The following ABCC12 variants were observed in gnomAD, a reference collection of about 807,000 sequenced individuals.
The protein encoded by ABCC12 is ATP binding cassette subfamily C member 12.
ABCC12 carries 142 observed loss-of-function variants against 151.1 expected under a neutral mutation model. That is an observed-to-expected ratio of 0.94 (90% CI 0.82 to 1.08). The LOEUF (loss-of-function observed/expected upper bound fraction) is 1.08, where lower values mean the gene tolerates loss of function less well. Ranked by LOEUF, ABCC12 falls within the 50% of genes least tolerant of loss-of-function variation. The probability of loss-of-function intolerance (pLI) is 0.00; values close to 1 mark genes in which losing one functional copy is unlikely to be tolerated. For missense variants in ABCC12, 1,638 were observed against 1,691.1 expected, an observed-to-expected ratio of 0.97 and a Z score of 0.55; for synonymous variants, 645 against 646.4, an observed-to-expected ratio of 1.00 and a Z score of 0.03.
At chr16:48,127,591 A>C (rs1211924998) in intron 11 of ABCC12, among the ~76,000 whole-genome samples, 3 of 152,176 alleles carry the variant, frequency 2.0e-5, no homozygotes, top group Non-Finnish European at 4.4e-5. Context: ...TAGCTATGTG[A>C]CCTTGGGCAA....
rs147483326 is a variant in ABCC12, at chr16:48,084,032, C to T, written c.3870G>A (p.Lys1290=). ...LDEATASMDS[K]TDTLVQNTIK... ...TGGTGTTCTGAACCAGGGTGTCAGT[C>T]TTGGAGTCCATAGAGGCGGTGGCTT... The change falls in exon 30 of 31, where the codon AAG becomes AAA. Residue 1290 remains lysine (K), a synonymous_variant. Coordinates refer to ENST00000311303, the MANE Select transcript of ABCC12 (RefSeq NM_001393797.1). 41 of 1,612,416 alleles carry T rather than the reference C, an allele frequency of 2.5e-5. No individual in the cohort carries two copies. In the African/African-American group the frequency reaches 3.9e-4, roughly 15 times the overall value.
At chr16:48,128,788 A>T (rs778504480) in intron 10 of ABCC12, 51 bp from the exon 11 acceptor site, 1 of 1,574,036 alleles carries the variant, frequency 6.4e-7, no homozygotes, top group Non-Finnish European at 8.6e-7. Context: ...CATTTGCAAG[A>T]ATCATCCCAA....
rs1962446120 is a variant in ABCC12, at chr16:48,083,659, T to C, written c.*56A>G. 2.6e-6 allele frequency: 4 copies of C among 1,567,092 alleles called. No individual in the cohort carries two copies. Among genetic ancestry groups the C allele is most frequent in the Admixed American group, 3.5e-5 (2 of 57,556 alleles). On this transcript the variant is annotated 3_prime_UTR_variant, in exon 31 of 31. Transcript: ENST00000311303. ...GAGGACAGCCCCTCCTCCTGAAGAC[T>C]CCTCCTATTCATCTCACAGAGCCTC... is the stretch of plus-strand genomic sequence containing the variant.
chr16:48,150,430 T>G (rs1425467207), intron 2 of ABCC12, among the ~76,000 whole-genome samples: 1 of 152,088 alleles, frequency 6.6e-6, no homozygotes, highest in Non-Finnish European at 1.5e-5. Flanking sequence ...ATCAACTAAG[T>G]CCACATATCA....
At chr16:48,142,453 A>G (rs1364603248) in intron 4 of ABCC12, among the ~76,000 whole-genome samples, 15 of 152,238 alleles carry the variant, frequency 9.9e-5, no homozygotes, top group Admixed American at 9.2e-4. Flanking sequence ...GGGAGGAAAC[A>G]TTAAGAACAG....
At chr16:48,106,828 G>A (rs1165301767) in intron 20 of ABCC12, among the ~76,000 whole-genome samples, 1 of 152,188 alleles carries the variant, frequency 6.6e-6, no homozygotes, top group Non-Finnish European at 1.5e-5. Context: ...TGCAGAGAAG[G>A]GTCCCCCATG....
intron 29 of ABCC12, among the ~76,000 whole-genome samples, chr16:48,084,954 G>A (rs1004585568): frequency 4.6e-5 from 7 of 152,030 alleles, no homozygotes; most frequent in South Asian, 2.1e-4. Context: ...CCTCGTAGGT[G>A]AAAGGGGGCT....
intron 18 of ABCC12, among the ~76,000 whole-genome samples, chr16:48,109,957 G>A (rs146905142): frequency 6.6e-6 from 1 of 152,314 alleles, no homozygotes; most frequent in East Asian, 1.9e-4. Flanking sequence ...TTATCCTTGA[G>A]GACTAGGTCT....
intron 27 of ABCC12, chr16:48,087,024 G>A: frequency 3.8e-6 from 2 of 521,526 alleles, no homozygotes; most frequent in East Asian, 3.1e-5. Flanking sequence ...ACTCTGCAAT[G>A]GAGCAGAGAC....
intron 20 of ABCC12, 108 bp from the exon 21 acceptor site, chr16:48,105,444 G>T: frequency 8.7e-7 from 1 of 1,144,588 alleles, no homozygotes; most frequent in Non-Finnish European, 1.2e-6. Flanking sequence ...AGAAGCACAT[G>T]AGTGTTTTGA....
Position 48,101,176 on chromosome 16 carries a change from C to T in ABCC12, c.2901-167G>A, listed in dbSNP as rs762697719. ...CTGCCATTCTGCAGTGGTGCCTGCC[C>T]CAGGTGTGGGAATGGCGGAGGCGTG... is the stretch of plus-strand genomic sequence containing the variant. On this transcript the variant is annotated intron_variant, in intron 22 of 30. Coordinates refer to ENST00000311303, the MANE Select transcript of ABCC12 (RefSeq NM_001393797.1). 9.4e-4 allele frequency among the ~76,000 whole-genome samples: 143 copies of T among 152,292 alleles called. 1 individual carries two copies. Among genetic ancestry groups the T allele is most frequent in the Non-Finnish European group, 1.7e-3 (117 of 68,034 alleles).
intron 25 of ABCC12, among the ~76,000 whole-genome samples, chr16:48,089,357 T>C (rs1426870612): frequency 6.6e-6 from 1 of 152,040 alleles, no homozygotes; most frequent in Non-Finnish European, 1.5e-5. Flanking sequence ...AATTTCAAAA[T>C]CTGCAAGAAT....
chr16:48,150,898 C>G (rs1276118938), intron 2 of ABCC12, among the ~76,000 whole-genome samples: 1 of 152,156 alleles, frequency 6.6e-6, no homozygotes, highest in Non-Finnish European at 1.5e-5. Flanking sequence ...CAATTCTAGC[C>G]TCCTCCCCTT....
At chr16:48,121,579 G>A in intron 13 of ABCC12, 137 bp downstream of exon 13, 2 of 1,198,772 alleles carry the variant, frequency 1.7e-6, no homozygotes, top group Non-Finnish European at 2.3e-6. Flanking sequence ...ACCAGTGTCT[G>A]TGTGGATCTG....
At chr16:48,086,929 TG>T (rs1962637102) in intron 27 of ABCC12, 110 bp from the exon 28 acceptor site, 5 of 887,872 alleles carry the variant, frequency 5.6e-6, no homozygotes, top group Non-Finnish European at 9.3e-6. Context: ...TGGCATGTGA[TG>T]ACCTCGTGCT....
chr16:48,140,762 C>T lies in ABCC12; in HGVS notation c.582G>A (p.Leu194=), dbSNP rs762174592. ...WAINYRTAIR[L]KVALSTLVFE... ...AAACCAAGGTGGAGAGCGCCACCTTCAACCGGATGGCCGTGCGGTAGTTGA... is the reference window on the plus strand; with the variant it reads ...AAACCAAGGTGGAGAGCGCCACCTTTAACCGGATGGCCGTGCGGTAGTTGA... The change falls in exon 6 of 31, where the codon TTG becomes TTA. Residue 194 remains leucine, a synonymous_variant. Transcript: ENST00000311303. 1.9e-6 allele frequency: 3 copies of T among 1,614,218 alleles called. No individual in the cohort carries two copies. In the South Asian group the frequency reaches 3.3e-5, roughly 18 times the overall value.
chr16:48,148,076 T>A (rs1264797789), intron 2 of ABCC12, among the ~76,000 whole-genome samples: 1 of 152,094 alleles, frequency 6.6e-6, no homozygotes, highest in Non-Finnish European at 1.5e-5. Context: ...GCCTACTGAG[T>A]AGCCGGGACT....
chr16:48,113,013 G>A (rs1247387648), intron 15 of ABCC12, among the ~76,000 whole-genome samples: 1 of 152,126 alleles, frequency 6.6e-6, no homozygotes, highest in African/African-American at 2.4e-5. Flanking sequence ...CCAGGATCAA[G>A]GAAGCTCCCT....
intron 20 of ABCC12, 137 bp downstream of exon 20, chr16:48,107,185 G>C: frequency 1.2e-6 from 1 of 826,692 alleles, no homozygotes; most frequent in Non-Finnish European, 2.0e-6. Flanking sequence ...GTAAGCATCT[G>C]ACTCCCACTT....
Sources: gnomAD v4.1 joint callset for allele counts (sites outside exome capture counted in the v4.1 genomes callset) on GRCh38, gnomAD v4.1.1 for gene constraint, MANE v1.5 for transcripts, NCBI Gene and HGNC (gene_info 2026-07-23, HGNC 2026-07-21) for gene names.